ZNF705G: variants seen among roughly 807,000 people sequenced by gnomAD.
ZNF705G encodes the protein zinc finger protein 705G, also known as putative zinc finger protein 705G.
In ZNF705G, 23 loss-of-function variants were observed where a neutral mutation model predicts 19.6. The observed-to-expected ratio is 1.17, with a 90% CI of 0.84 to 1.66. The LOEUF is 1.66. ZNF705G is among the 40% of genes most tolerant of loss of function. ZNF705G has a pLI of 0.00. For synonymous variants in ZNF705G, 146 were observed against 117.7 expected, an observed-to-expected ratio of 1.24 and a Z score of -1.56; for missense variants, 457 against 354.4, an observed-to-expected ratio of 1.29 and a Z score of -2.32.
rs1464742623 is a variant in ZNF705G, at chr8:7,357,183, T to C, written c.*793A>G. 2 of 150,752 alleles carry C rather than the reference T, an allele frequency of 1.3e-5. No individual in the cohort carries two copies. Among genetic ancestry groups the C allele is most frequent in the African/African-American group, 5.1e-5 (2 of 39,298 alleles). 9.3% of individuals were successfully genotyped at this position (150,752 alleles called of 1,614,324 possible). ...GTTTTGTCCAGTGAGAAATCTCACA[T>C]GTGCCACATGTGTTGCTCTATGAAG... is the stretch of plus-strand genomic sequence containing the variant. On this transcript the variant is annotated 3_prime_UTR_variant, in exon 7 of 7. Coordinates refer to ENST00000400156, the MANE Select transcript of ZNF705G (RefSeq NM_001164457.3).
At position 7,381,026 on chromosome 8, in the gene ZNF705G, C is replaced by CAAAAAA. The variant is rs1410321278; in HGVS notation, c.-72+420_-72+425dup. On this transcript the variant is annotated intron_variant, in intron 2 of 6. Transcript: ENST00000400156. ...GCTAGACTCTGTCTCAAACCACCAC[C>CAAAAAA]AAAAAAAAAAAAAAAAAAAAAAAAA... Among the ~76,000 whole-genome samples, 50 of 12,282 alleles carry CAAAAAA rather than the reference C, an allele frequency of 4.1e-3. 4 individuals carry two copies. Among genetic ancestry groups the CAAAAAA allele is most frequent in the South Asian group, 7.8e-3 (2 of 256 alleles). 8.1% of individuals were successfully genotyped at this position (12,282 alleles called of 152,430 possible).
At position 7,361,655 on chromosome 8, in the gene ZNF705G, T is replaced by C. The variant is rs201309227; in HGVS notation, c.13-419A>G. The stretch of plus-strand genomic sequence containing the variant: ...TTAAGCATGACTCTGATGAAATAAA[T>C]TATTTCTCCAGATGAACCACAGGTT... On this transcript the variant is annotated intron_variant, in intron 3 of 6. Transcript: ENST00000400156. 2.6e-4 allele frequency among the ~76,000 whole-genome samples: 39 copies of C among 149,774 alleles called. 2 individuals are homozygous for C. The East Asian group carries it at 7.5e-3, about 29-fold the overall frequency.
chr8:7,363,812 C>A (rs1450549869), intron 2 of ZNF705G, among the ~76,000 whole-genome samples: 2 of 148,860 alleles, frequency 1.3e-5, no homozygotes, highest in African/African-American at 5.2e-5. Context: ...CAGAGCGAGA[C>A]TCTGTCTCAA....
At chr8:7,362,333 G>A (rs926239259) in intron 3 of ZNF705G, among the ~76,000 whole-genome samples, 9 of 149,834 alleles carry the variant, frequency 6.0e-5, no homozygotes, top group Admixed American at 2.6e-4. Flanking sequence ...TTCTTTAGTT[G>A]TCCTTTCACA....
In ZNF705G at chr8:7,364,927, G is replaced by C. The variant is rs1200341715; in HGVS notation, c.-71-1910C>G. On this transcript the variant is annotated intron_variant, in intron 2 of 6. Transcript: ENST00000400156. ...TGCCTACAAAGCTTCAGTGAAACCA[G>C]CTGTAACCCTTAATATTATTACCAA... 2.7e-5 allele frequency among the ~76,000 whole-genome samples: 4 copies of C among 149,490 alleles called. No homozygotes were observed. The East Asian group carries it at 7.7e-4, about 29-fold the overall frequency.
chr8:7,365,559 G>A (rs1020422790), intron 2 of ZNF705G, among the ~76,000 whole-genome samples: 3 of 149,018 alleles, frequency 2.0e-5, no homozygotes, highest in Admixed American at 2.0e-4. Context: ...TGTACTAGAC[G>A]TGGTTTCTCC....
rs547347966 is a variant in ZNF705G, at chr8:7,365,693, G to A, written c.-71-2676C>T. Among the ~76,000 whole-genome samples, 112 of 149,520 alleles carry A rather than the reference G, an allele frequency of 7.5e-4. 13 individuals are homozygous for A. Among genetic ancestry groups the A allele is most frequent in the African/African-American group, 2.7e-3 (107 of 38,938 alleles). Reference sequence around the variant, plus strand: ...CCCAGATCTCTTAAAAAGTCAAGAGGAAGGAACCATTCTGCATCCTCAATA... The same window carrying A: ...CCCAGATCTCTTAAAAAGTCAAGAGAAAGGAACCATTCTGCATCCTCAATA... On this transcript the variant is annotated intron_variant, in intron 2 of 6. Coordinates refer to ENST00000400156, the MANE Select transcript of ZNF705G (RefSeq NM_001164457.3).
rs1054768385 is a variant in ZNF705G at position 7,356,931 on chromosome 8, A to G, written c.*1045T>C. 2.0e-5 allele frequency: 3 copies of G among 149,850 alleles called. No homozygotes were observed. Among genetic ancestry groups the G allele is most frequent in the African/African-American group, 5.1e-5 (2 of 39,216 alleles). The allele number at this position is 149,850 out of a possible 1,614,324, so 9.3% of individuals were successfully genotyped here. On this transcript the variant is annotated 3_prime_UTR_variant, in exon 7 of 7. Transcript: ENST00000400156. ...TTGCTATTATGCATTTACATGCCAC[A>G]TTTTTATGAATAGATATTTTCTCAA...
chr8:7,363,797 G>A (rs978827405), intron 2 of ZNF705G, among the ~76,000 whole-genome samples: 3 of 149,352 alleles, frequency 2.0e-5, no homozygotes, highest in Admixed American at 6.6e-5. Flanking sequence ...CTCCAGCGAG[G>A]GTGACAGAGC....
intron 2 of ZNF705G, among the ~76,000 whole-genome samples, chr8:7,380,225 G>T (rs1807427194): frequency 6.9e-6 from 1 of 143,940 alleles, no homozygotes; most frequent in African/African-American, 2.9e-5. Flanking sequence ...ATCCTCAGGG[G>T]ACCTGGGGAC....
intron 1 of ZNF705G, among the ~76,000 whole-genome samples, chr8:7,382,026 T>G (rs1421680025): frequency 6.6e-6 from 1 of 152,194 alleles, no homozygotes; most frequent in Non-Finnish European, 1.5e-5. Context: ...TACATGTATG[T>G]GGCTAAGCAC....
At chr8:7,366,120 C>A (rs1464449010) in intron 2 of ZNF705G, among the ~76,000 whole-genome samples, 1 of 148,504 alleles carries the variant, frequency 6.7e-6, no homozygotes, top group African/African-American at 2.6e-5. Flanking sequence ...AAGTATGAAA[C>A]CAAAACGAAT....
In ZNF705G at chr8:7,367,832, G is replaced by C. The variant is rs1234480854; in HGVS notation, c.-71-4815C>G. 2.0e-5 allele frequency among the ~76,000 whole-genome samples: 3 copies of C among 149,800 alleles called. 1 individual carries two copies. The highest frequency in any genetic ancestry group is 7.7e-5 in the African/African-American group (3 of 39,168). Reference sequence around the variant, plus strand: ...CTTCTAGGAGGCAAGGACTGAAGTTGCTTATGGACCCATGCAGCTATGCTG... The same window carrying C: ...CTTCTAGGAGGCAAGGACTGAAGTTCCTTATGGACCCATGCAGCTATGCTG... On this transcript the variant is annotated intron_variant, in intron 2 of 6. Transcript: ENST00000400156.
chr8:7,360,670 C>G (rs756544348), intron 4 of ZNF705G, among the ~76,000 whole-genome samples: 1 of 149,300 alleles, frequency 6.7e-6, no homozygotes, highest in Non-Finnish European at 1.5e-5. Context: ...ATTATTCTCA[C>G]GCACAACAAA....
chr8:7,369,904 G>T (rs1448453490), intron 2 of ZNF705G, among the ~76,000 whole-genome samples: 1 of 149,100 alleles, frequency 6.7e-6, no homozygotes, highest in East Asian at 1.9e-4. Flanking sequence ...AGGGAAGGTG[G>T]GGACAAAGGC....
At chr8:7,380,262 C>T (rs1202652611) in intron 2 of ZNF705G, among the ~76,000 whole-genome samples, 4 of 145,444 alleles carry the variant, frequency 2.8e-5, no homozygotes, top group Non-Finnish European at 4.4e-5. Flanking sequence ...TATTCCAGGG[C>T]CAGAGCACAG....
At chr8:7,368,611 T>C (rs1459831633) in intron 2 of ZNF705G, among the ~76,000 whole-genome samples, 2 of 149,708 alleles carry the variant, frequency 1.3e-5, no homozygotes, top group Non-Finnish European at 2.9e-5. Flanking sequence ...GAAATTTGGG[T>C]AACTAAAAGG....
At chr8:7,380,435 G>A (rs1428015059) in intron 2 of ZNF705G, among the ~76,000 whole-genome samples, 1 of 147,420 alleles carries the variant, frequency 6.8e-6, no homozygotes, top group Non-Finnish European at 1.5e-5. Context: ...TTGTCTGGGA[G>A]CCTGGGAATT....
intron 2 of ZNF705G, among the ~76,000 whole-genome samples, chr8:7,378,790 C>T (rs1197365640): frequency 1.4e-5 from 2 of 146,086 alleles, no homozygotes; most frequent in African/African-American, 5.6e-5. Context: ...TTGGGCCCAC[C>T]TGGATAATCT....
Sources: gnomAD v4.1 joint callset for allele counts (sites outside exome capture counted in the v4.1 genomes callset) on GRCh38, gnomAD v4.1.1 for gene constraint, MANE v1.5 for transcripts, NCBI Gene and HGNC (gene_info 2026-07-23, HGNC 2026-07-21) for gene names.